The following PTPRN2 variants were observed in gnomAD, a reference collection of about 807,000 sequenced individuals.
PTPRN2 encodes protein tyrosine phosphatase receptor type N2.
A neutral mutation model predicts 118.8 loss-of-function variants in PTPRN2; 74 were observed. That is an observed-to-expected ratio of 0.62 (90% CI 0.52 to 0.76). The LOEUF (loss-of-function observed/expected upper bound fraction) is 0.76. Among genes scored for constraint, PTPRN2 ranks in the 30% least tolerant of loss-of-function variants. The pLI is 0.00. For synonymous variants in PTPRN2, 641 were observed against 608.0 expected (o/e 1.05, Z -0.80); for missense variants, 1,481 against 1,394.4 (o/e 1.06, Z -0.99).
intron 13 of PTPRN2, among the ~76,000 whole-genome samples, chr7:157,657,276 C>T (rs1795567596): frequency 8.5e-6 from 1 of 117,716 alleles, no homozygotes; most frequent in African/African-American, 3.2e-5. Flanking sequence ...ATACACCACA[C>T]ACACACCACA....
At chr7:157,594,119 C>G (rs1254459476) in intron 17 of PTPRN2, among the ~76,000 whole-genome samples, 1 of 152,214 alleles carries the variant, frequency 6.6e-6, no homozygotes, top group Non-Finnish European at 1.5e-5. Flanking sequence ...GCTCACCATG[C>G]AAGGGTGCTC....
intron 2 of PTPRN2, among the ~76,000 whole-genome samples, chr7:158,366,878 G>A (rs2151307283): frequency 6.6e-6 from 1 of 152,328 alleles, no homozygotes; most frequent in African/African-American, 2.4e-5. Context: ...ACGTCACAAG[G>A]AAAGCAAATA....
chr7:158,367,858 A>G (rs1311713194), intron 2 of PTPRN2, among the ~76,000 whole-genome samples: 1 of 152,008 alleles, frequency 6.6e-6, no homozygotes, highest in Non-Finnish European at 1.5e-5. Context: ...AATTATATGG[A>G]CCGTTTCTCC....
In PTPRN2 at chr7:158,493,855, A is replaced by T. The variant is rs369224890; in HGVS notation, c.113-4070T>A. On this transcript the variant is annotated intron_variant, in intron 1 of 22. Transcript: ENST00000389418. ...CATACACACATGCACACACTCATACATGTGAGCATACACCTGCAGACACGT... is the reference window on the plus strand; with the variant it reads ...CATACACACATGCACACACTCATACTTGTGAGCATACACCTGCAGACACGT... 4.0e-5 allele frequency among the ~76,000 whole-genome samples: 6 copies of T among 151,848 alleles called. No individual in the cohort carries two copies. In the East Asian group the frequency reaches 1.2e-3, roughly 29 times the overall value.
At chr7:158,136,720 A>G in intron 7 of PTPRN2, 25 bp from the exon 8 acceptor site, 8 of 1,612,242 alleles carry the variant, frequency 5.0e-6, no homozygotes, top group Non-Finnish European at 6.8e-6. Flanking sequence ...AGTGTTACCA[A>G]GACCCTCATC....
chr7:158,266,034 G>T (rs1466376433), intron 3 of PTPRN2, among the ~76,000 whole-genome samples: 1 of 152,196 alleles, frequency 6.6e-6, no homozygotes, highest in African/African-American at 2.4e-5. Flanking sequence ...CTGCTGCGGT[G>T]TGATGTCTGG....
At chr7:158,515,330 G>C (rs940478032) in intron 1 of PTPRN2, among the ~76,000 whole-genome samples, 2 of 152,032 alleles carry the variant, frequency 1.3e-5, no homozygotes, top group African/African-American at 2.4e-5. Flanking sequence ...GGGATTACAG[G>C]CACGTGCCAC....
Position 158,093,706 on chromosome 7 carries a change from C to T in PTPRN2, c.1644-12329G>A, listed in dbSNP as rs1482064890. Among the ~76,000 whole-genome samples the T allele has an allele frequency of 6.6e-6, 1 of 152,210 alleles. No individual in the cohort carries two copies. Among genetic ancestry groups the T allele is most frequent in the Non-Finnish European group, 1.5e-5 (1 of 68,040 alleles). ...GGATAGCATAATGCATACCTACTTTCCTTACACACACTTTTAATTTTACCA... is the reference window on the plus strand; with the variant it reads ...GGATAGCATAATGCATACCTACTTTTCTTACACACACTTTTAATTTTACCA... On this transcript the variant is annotated intron_variant, in intron 10 of 22. Transcript: ENST00000389418. The surrounding 1 kb of genome is among the most constrained non-coding windows in gnomAD (Gnocchi z 4.4).
At chr7:158,282,904 A>C (rs1203906722) in intron 3 of PTPRN2, among the ~76,000 whole-genome samples, 7 of 135,246 alleles carry the variant, frequency 5.2e-5, no homozygotes, top group South Asian at 2.5e-4. Context: ...ATCCCTCCTC[A>C]TGCTCCCACA....
At chr7:157,686,818 G>C (rs1294482605) in intron 12 of PTPRN2, among the ~76,000 whole-genome samples, 1 of 152,106 alleles carries the variant, frequency 6.6e-6, no homozygotes, top group Non-Finnish European at 1.5e-5. Context: ...GCAGGGGTGC[G>C]TCCCGGGTGG....
chr7:157,557,575 C>T (rs1051736742), intron 21 of PTPRN2, among the ~76,000 whole-genome samples: 1 of 152,192 alleles, frequency 6.6e-6, no homozygotes, highest in East Asian at 1.9e-4. Flanking sequence ...CACACACACT[C>T]TCCTGGGCCT....
chr7:158,252,757 G>A (rs535351984), intron 3 of PTPRN2, among the ~76,000 whole-genome samples: 12 of 152,174 alleles, frequency 7.9e-5, no homozygotes, highest in South Asian at 2.1e-4. Context: ...AGCACATCCC[G>A]ACAATCAGCC....
rs562597988 is a variant in PTPRN2, at chr7:158,004,066, C to T, written c.1723+77232G>A. 1.2e-3 allele frequency among the ~76,000 whole-genome samples: 189 copies of T among 152,258 alleles called. 1 individual carries two copies. Among genetic ancestry groups the T allele is most frequent in the African/African-American group, 2.1e-3 (89 of 41,544 alleles). ...CCCCCATGGCTGCTTTTCGGCTCCT[C>T]GTTTGGAAAACTTGGTGACTCTCTA... On this transcript the variant is annotated intron_variant, in intron 11 of 22. Transcript: ENST00000389418.
chr7:157,932,753 G>T (rs1799436609), intron 11 of PTPRN2, among the ~76,000 whole-genome samples: 1 of 151,688 alleles, frequency 6.6e-6, no homozygotes, highest in Non-Finnish European at 1.5e-5. Flanking sequence ...TAGAGGAGGG[G>T]TGAGTCACTC....
At chr7:158,451,704 A>G (rs1224107683) in intron 2 of PTPRN2, among the ~76,000 whole-genome samples, 1 of 152,210 alleles carries the variant, frequency 6.6e-6, no homozygotes, top group Non-Finnish European at 1.5e-5. Context: ...AATGTTTCAC[A>G]GAATCATTGC....
rs1264802196 is a variant in PTPRN2 at position 157,780,751 on chromosome 7, T to C, written c.1789-97814A>G. On this transcript the variant is annotated intron_variant, in intron 12 of 22. Transcript: ENST00000389418. This position sits in a 1 kb window ranked among gnomAD's most constrained non-coding sequence, Gnocchi z 4.5. ...CCAGCACGGAGAGAGCACTTGACAC[T>C]GTTGCTTGCATGTGCCCCCGGGCCA... Among the ~76,000 whole-genome samples the C allele has an allele frequency of 6.6e-6, 1 of 152,190 alleles. No homozygotes were observed. Among genetic ancestry groups the C allele is most frequent in the Non-Finnish European group, 1.5e-5 (1 of 68,046 alleles).
At chr7:157,559,134 C>G (rs574376310) in intron 21 of PTPRN2, among the ~76,000 whole-genome samples, 2 of 152,342 alleles carry the variant, frequency 1.3e-5, no homozygotes, top group East Asian at 3.9e-4. Context: ...CGTGTGACCC[C>G]CTGCAGCACC....
At chr7:157,621,767 G>T (rs567279602) in intron 14 of PTPRN2, among the ~76,000 whole-genome samples, 8 of 151,852 alleles carry the variant, frequency 5.3e-5, no homozygotes, top group Non-Finnish European at 1.0e-4. Flanking sequence ...TCAGTTTACC[G>T]CTGAGATGAC....
rs188148874 is a variant in PTPRN2, at chr7:158,414,887, G to A, written c.163+74848C>T. Among the ~76,000 whole-genome samples the A allele has an allele frequency of 4.5e-3, 693 of 152,332 alleles. 4 individuals are homozygous for A. The highest frequency in any genetic ancestry group is 0.016 in the African/African-American group (667 of 41,568). On this transcript the variant is annotated intron_variant, in intron 2 of 22. Coordinates refer to ENST00000389418, the MANE Select transcript of PTPRN2 (RefSeq NM_002847.5). ...ACTACCAGTCATCCACATGAGGAGGGGCGGGGGAAGGTACCTCTGCCTGGG... is the reference window on the plus strand; with the variant it reads ...ACTACCAGTCATCCACATGAGGAGGAGCGGGGGAAGGTACCTCTGCCTGGG...
Sources: allele counts gnomAD v4.1 joint callset (sites outside exome capture counted in the v4.1 genomes callset), GRCh38; gene constraint gnomAD v4.1.1; non-coding constraint Gnocchi (gnomAD v3.1); transcripts MANE v1.5; gene names NCBI Gene and HGNC (gene_info 2026-07-23, HGNC 2026-07-21).